Variants in ARID1A observed in about 807,000 individuals in gnomAD.
The protein encoded by ARID1A is AT-rich interactive domain-containing protein 1A.
In ARID1A, 20 loss-of-function variants were observed where a neutral mutation model predicts 212.6. The ratio of observed to expected loss-of-function variants is 0.09; its 90% CI spans 0.07 to 0.14. The LOEUF is 0.14. ARID1A is among the 10% of genes least tolerant of loss of function. ARID1A has a pLI of 1.00. For synonymous variants in ARID1A, 1,376 were observed against 1,222.1 expected, an observed-to-expected ratio of 1.13 and a Z score of -2.63; for missense variants, 2,587 against 3,059.0, an observed-to-expected ratio of 0.85 and a Z score of 3.64.
chr1:26,708,173 A>G (rs367757897), intron 1 of ARID1A, among the ~76,000 whole-genome samples: 11 of 148,150 alleles, frequency 7.4e-5, no homozygotes, highest in African/African-American at 2.5e-4. Flanking sequence ...GAGAACTGGC[A>G]GCATCTGGTC....
In ARID1A at chr1:26,696,449, C is replaced by T. The variant is rs1349772934; in HGVS notation, c.46C>T (p.Pro16Ser). ...APAAASSLGN[P>S]PPPPPSELKK... ...CGCCGCCGCCAGCAGCCTGGGCAAC[C>T]CGCCGCCGCCGCCGCCCTCGGAGCT... Residue 16 changes from proline (P) to serine (S), a missense_variant, in exon 1 of 20, where the codon CCG becomes TCG. By Grantham distance (74) the Pro-to-Ser change is moderately conservative. Transcript: ENST00000324856. 2 of 1,235,384 alleles carry T rather than the reference C, an allele frequency of 1.6e-6. No homozygotes were observed. Among genetic ancestry groups the T allele is most frequent in the Non-Finnish European group, 2.0e-6 (2 of 984,118 alleles). 76.5% of individuals were successfully genotyped at this position (1,235,384 alleles called of 1,614,324 possible). A position where few individuals can be genotyped will look rare whatever the true frequency, so the allele number is the denominator to read the frequency against.
chr1:26,696,774 G>A lies in ARID1A; in HGVS notation c.371G>A (p.Gly124Asp). ...NNNLTEPPGG[G>D]GGGSSDGVGA... ...AACCTCACGGAGCCGCCCGGCGGCG[G>A]CGGTGGCGGCAGCAGCGATGGGGTG... Residue 124 changes from glycine (G) to aspartate (D), a missense_variant, in exon 1 of 20, where the codon GGC becomes GAC. Around this residue, in one of 11 missense-constraint regions of ARID1A, gnomAD observed 735 missense variants for 590.6 expected, o/e 1.24. Transcript: ENST00000324856. The A allele has an allele frequency of 7.4e-7, 1 of 1,343,150 alleles. No homozygotes were observed. Among genetic ancestry groups the A allele is most frequent in the African/African-American group, 1.5e-5 (1 of 64,946 alleles). The allele number at this position is 1,343,150 out of a possible 1,614,324, so 83.2% of individuals were successfully genotyped here.
chr1:26,758,091 C>G (rs1295886822), intron 4 of ARID1A, among the ~76,000 whole-genome samples: 1 of 152,100 alleles, frequency 6.6e-6, no homozygotes, highest in East Asian at 1.9e-4. Flanking sequence ...GGAATGGAGA[C>G]TGTAGGAAGG....
At chr1:26,775,949 T>C (rs2081131005) in intron 19 of ARID1A, 3 of 646,244 alleles carry the variant, frequency 4.6e-6, no homozygotes, top group South Asian at 4.5e-5. Flanking sequence ...AGACACTTTG[T>C]GGTATTAGTA....
rs534399963 is a variant in ARID1A, at chr1:26,766,656, A to C, written c.2988+90A>C. ...AAAGAAAAGAGAGTGACAAGATCCCAGCCTTTTATGACACCGGACTAGATA... is the reference window on the plus strand; with the variant it reads ...AAAGAAAAGAGAGTGACAAGATCCCCGCCTTTTATGACACCGGACTAGATA... On this transcript the variant is annotated intron_variant, in intron 10 of 19. Transcript: ENST00000324856. The C allele has an allele frequency of 3.8e-6, 5 of 1,318,436 alleles. No homozygotes were observed. In the East Asian group the frequency reaches 1.3e-4, roughly 33 times the overall value. The allele number at this position is 1,318,436 out of a possible 1,614,324, so 81.7% of individuals were successfully genotyped here.
In ARID1A at chr1:26,773,339, C is replaced by G. The variant is rs150792057; in HGVS notation, c.3716-7C>G. 1 of 1,562,098 alleles carries G rather than the reference C, an allele frequency of 6.4e-7. No individual in the cohort carries two copies. The highest frequency in any genetic ancestry group is 2.2e-5 in the East Asian group (1 of 44,502). On this transcript the variant is annotated splice_polypyrimidine_tract_variant and splice_region_variant and intron_variant, in intron 14 of 19. Coordinates refer to ENST00000324856, the MANE Select transcript of ARID1A (RefSeq NM_006015.6). ...AGTTTGTTCACCGCTTGCCTTTCTA[C>G]GCTCAGCTCCAGGGAGTGATCCCTT...
rs768439550 is a variant in ARID1A at position 26,780,224 on chromosome 1, A to T, written c.6326A>T (p.Asn2109Ile). 1 of 1,614,070 alleles carries T rather than the reference A, an allele frequency of 6.2e-7. No homozygotes were observed. Among genetic ancestry groups the T allele is most frequent in the East Asian group, 2.2e-5 (1 of 44,878 alleles). ...GACCCCTTTTCCACCCTGGGCCCCA[A>T]TGCCGTCCTTTCCCCGCAGAGACTG... ...AQDPFSTLGP[N>I]AVLSPQRLVL... The change falls in exon 20 of 20, where the codon AAT (asparagine) becomes ATT (isoleucine). Residue 2109 changes from asparagine (N) to isoleucine (I), a missense_variant. Physicochemically the swap from Asn to Ile is moderately radical, Grantham distance 149. Coordinates refer to ENST00000324856, the MANE Select transcript of ARID1A (RefSeq NM_006015.6). The surrounding 1 kb of genome is among the most constrained non-coding windows in gnomAD (Gnocchi z 7.2).
chr1:26,698,336 G>A (rs2080299400), intron 1 of ARID1A, among the ~76,000 whole-genome samples: 1 of 152,192 alleles, frequency 6.6e-6, no homozygotes, highest in Admixed American at 6.5e-5. Context: ...TGATGTAATG[G>A]TACAACAATC....
At chr1:26,776,854 G>C (rs1378596339) in intron 19 of ARID1A, among the ~76,000 whole-genome samples, 2 of 152,132 alleles carry the variant, frequency 1.3e-5, no homozygotes, top group South Asian at 4.1e-4. Flanking sequence ...AATAGGCTCA[G>C]TCTTATCCTT....
At chr1:26,759,019 G>A (rs1259174218) in intron 4 of ARID1A, among the ~76,000 whole-genome samples, 2 of 148,274 alleles carry the variant, frequency 1.3e-5, no homozygotes, top group Non-Finnish European at 3.0e-5. Flanking sequence ...TTGGATACTT[G>A]AAGGAGAGCC....
intron 3 of ARID1A, among the ~76,000 whole-genome samples, chr1:26,732,365 AT>A (rs1038335235): frequency 3.9e-5 from 6 of 152,134 alleles, no homozygotes; most frequent in Non-Finnish European, 8.8e-5. Context: ...TTCTAGCATG[AT>A]TTTTTTGTGG....
intron 6 of ARID1A, 26 bp from the exon 7 acceptor site, chr1:26,762,126 A>T (rs2124062394): frequency 2.5e-6 from 4 of 1,596,100 alleles, no homozygotes; most frequent in Non-Finnish European, 8.5e-7. Flanking sequence ...AAAGCTAATA[A>T]CTATATGGAT....
At chr1:26,698,430 A>G (rs1306450691) in intron 1 of ARID1A, among the ~76,000 whole-genome samples, 2 of 152,222 alleles carry the variant, frequency 1.3e-5, no homozygotes, top group African/African-American at 4.8e-5. Context: ...CTTTTATTCC[A>G]GAGCTGAAAT....
intron 4 of ARID1A, among the ~76,000 whole-genome samples, chr1:26,738,981 G>A (rs913555521): frequency 2.2e-4 from 33 of 150,150 alleles, no homozygotes; most frequent in African/African-American, 7.6e-4. Context: ...TCCGCCTCCC[G>A]GGTTCAAGCA....
rs1244800396 is a variant in ARID1A at position 26,781,806 on chromosome 1, G to T, written c.*1050G>T. The T allele has an allele frequency of 5.6e-5, 13 of 233,582 alleles. No individual in the cohort carries two copies. Among genetic ancestry groups the T allele is most frequent in the Non-Finnish European group, 1.0e-4 (12 of 118,050 alleles). The allele number at this position is 233,582 out of a possible 1,614,324, so 14.5% of individuals were successfully genotyped here. A position where few individuals can be genotyped will look rare whatever the true frequency, so the allele number is the denominator to read the frequency against. On this transcript the variant is annotated 3_prime_UTR_variant, in exon 20 of 20. Transcript: ENST00000324856. ...CAGGTCTCTGTAAAAAGTCCTTGCTGTCTCAGCAGCCAATCAACTTATAGT... is the reference window on the plus strand; with the variant it reads ...CAGGTCTCTGTAAAAAGTCCTTGCTTTCTCAGCAGCCAATCAACTTATAGT...
chr1:26,766,244 A>G lies in ARID1A; in HGVS notation c.2756A>G (p.Asn919Ser), dbSNP rs1250258763. 2.5e-6 allele frequency: 4 copies of G among 1,613,804 alleles called. No homozygotes were observed. The highest frequency in any genetic ancestry group is 3.4e-6 in the Non-Finnish European group (4 of 1,179,940). ...AGGCCGCCAGGCTACCCCAATATGA[A>G]TCAAGGGGGCATGATGGGAACTGGA... ...QNRPPGYPNM[N>S]QGGMMGTGPP... Residue 919 changes from asparagine (N) to serine (S), a missense_variant, in exon 9 of 20, where the codon AAT becomes AGT. Asn to Ser is a conservative substitution (Grantham distance 46). Around this residue, in one of 11 missense-constraint regions of ARID1A, gnomAD observed 674 missense variants for 813.4 expected, o/e 0.83. Coordinates refer to ENST00000324856, the MANE Select transcript of ARID1A (RefSeq NM_006015.6).
At chr1:26,729,916 T>G in intron 2 of ARID1A, 53 bp downstream of exon 2, 3 of 1,574,416 alleles carry the variant, frequency 1.9e-6, no homozygotes, top group Admixed American at 3.4e-5. Context: ...AAATCTGATC[T>G]GTGAGCTATA....
rs1264000698 is a variant in ARID1A at position 26,780,884 on chromosome 1, C to T, written c.*128C>T. 3 of 1,350,646 alleles carry T rather than the reference C, an allele frequency of 2.2e-6. No individual in the cohort carries two copies. The East Asian group carries it at 7.1e-5, about 32-fold the overall frequency. 83.7% of individuals were successfully genotyped at this position (1,350,646 alleles called of 1,614,324 possible). On this transcript the variant is annotated 3_prime_UTR_variant, in exon 20 of 20. Transcript: ENST00000324856. The surrounding 1 kb of genome is among the most constrained non-coding windows in gnomAD (Gnocchi z 7.2). Reference sequence around the variant, plus strand: ...TTACCCTGTGCTGTCCAGCTTCTCCCTTGGGAAAAAGTCTCTCCTGTTTCT... The same window carrying T: ...TTACCCTGTGCTGTCCAGCTTCTCCTTTGGGAAAAAGTCTCTCCTGTTTCT...
chr1:26,753,455 A>G (rs887765455), intron 4 of ARID1A, among the ~76,000 whole-genome samples: 5 of 152,226 alleles, frequency 3.3e-5, no homozygotes, highest in African/African-American at 4.8e-5. Context: ...CAGTATTTCA[A>G]CTGAAGAAAT....
Sources: allele counts gnomAD v4.1 joint callset (sites outside exome capture counted in the v4.1 genomes callset), GRCh38; gene constraint gnomAD v4.1.1; regional missense constraint gnomAD v4.1.1; non-coding constraint Gnocchi (gnomAD v3.1); transcripts MANE v1.5; gene names NCBI Gene and HGNC (gene_info 2026-07-23, HGNC 2026-07-21).